Variants in RABGAP1 observed in about 807,000 individuals in gnomAD.
RABGAP1 encodes RAB GTPase activating protein 1.
A neutral mutation model predicts 137.6 loss-of-function variants in RABGAP1; 23 were observed. That is an observed-to-expected ratio of 0.17 (90% CI 0.12 to 0.24). RABGAP1 has a LOEUF of 0.24. Ranked by LOEUF, RABGAP1 falls within the 10% of genes least tolerant of loss-of-function variation. The pLI is 1.00. For missense variants in RABGAP1, 906 were observed against 1,275.8 expected, an observed-to-expected ratio of 0.71 and a Z score of 4.42; for synonymous variants, 451 against 450.7, an observed-to-expected ratio of 1.00 and a Z score of -0.01.
intron 13 of RABGAP1, among the ~76,000 whole-genome samples, chr9:123,064,386 T>C (rs191217301): frequency 7.8e-4 from 119 of 152,330 alleles, no homozygotes; most frequent in Middle Eastern, 3.4e-3. Context: ...TTAAAGTTAG[T>C]TCAGATCCCA....
At chr9:122,980,526 G>A (rs898399423) in intron 2 of RABGAP1, among the ~76,000 whole-genome samples, 3 of 152,176 alleles carry the variant, frequency 2.0e-5, no homozygotes, top group Non-Finnish European at 4.4e-5. Flanking sequence ...AGTCATGCTT[G>A]TTTCTTTTAT....
rs1392975722 is a variant in RABGAP1 at position 122,986,251 on chromosome 9, A to T, written c.422A>T (p.Asp141Val). The T allele has an allele frequency of 6.2e-7, 1 of 1,614,202 alleles. No homozygotes were observed. Among genetic ancestry groups the T allele is most frequent in the African/African-American group, 1.3e-5 (1 of 75,062 alleles). ...TCAAGTCCTTTCACACCAGTGGCCGATGAGGACAGCGTAGTTTTCAGTAAA... is the reference window on the plus strand; with the variant it reads ...TCAAGTCCTTTCACACCAGTGGCCGTTGAGGACAGCGTAGTTTTCAGTAAA... ...EASSPFTPVA[D>V]EDSVVFSKLT... The change falls in exon 4 of 26, where the codon GAT becomes GTT. Residue 141 changes from aspartate to valine, a missense_variant. Coordinates refer to ENST00000373647, the MANE Select transcript of RABGAP1 (RefSeq NM_012197.4).
chr9:122,998,583 CTTT>C lies in RABGAP1; in HGVS notation c.1205-13_1205-11del, dbSNP rs760528729. Reference sequence around the variant, plus strand: ...TCTGATTTACCTCTTCAGCCTCTCTCTTTCTTTGTTTAGATAAAGTCCTGTTTA... The same window carrying C: ...TCTGATTTACCTCTTCAGCCTCTCTCCTTTGTTTAGATAAAGTCCTGTTTA... On this transcript the variant is annotated splice_polypyrimidine_tract_variant and intron_variant, in intron 9 of 25. Coordinates refer to ENST00000373647, the MANE Select transcript of RABGAP1 (RefSeq NM_012197.4). 1.5e-5 allele frequency: 23 copies of C among 1,521,186 alleles called. No individual in the cohort carries two copies. The highest frequency in any genetic ancestry group is 5.7e-5 in the Admixed American group (3 of 52,458). The allele number at this position is 1,521,186 out of a possible 1,614,324, so 94.2% of individuals were successfully genotyped here. A position where few individuals can be genotyped will look rare whatever the true frequency, so the allele number is the denominator to read the frequency against.
At chr9:122,999,785 T>C (rs1457114149) in intron 10 of RABGAP1, among the ~76,000 whole-genome samples, 1 of 151,770 alleles carries the variant, frequency 6.6e-6, no homozygotes, top group African/African-American at 2.4e-5. Context: ...CCTGCCCATC[T>C]CTCTTCTCTT....
intron 11 of RABGAP1, 22 bp from the exon 12 acceptor site, chr9:123,015,521 T>C: frequency 2.0e-6 from 3 of 1,506,472 alleles, no homozygotes; most frequent in Non-Finnish European, 2.8e-6. Context: ...GTTACCGTTT[T>C]TGTGTGTTTT....
At chr9:122,962,097 A>G (rs996369421) in intron 2 of RABGAP1, among the ~76,000 whole-genome samples, 4 of 152,220 alleles carry the variant, frequency 2.6e-5, no homozygotes, top group African/African-American at 9.6e-5. Flanking sequence ...GTGTATAGCA[A>G]TACCACAAAA....
At chr9:122,967,497 T>C (rs1270716232) in intron 2 of RABGAP1, among the ~76,000 whole-genome samples, 1 of 152,204 alleles carries the variant, frequency 6.6e-6, no homozygotes, top group East Asian at 1.9e-4. Context: ...CTCCTGTGCG[T>C]AAGTAGAACA....
rs5900552 is a variant in RABGAP1, at chr9:123,035,639, CGT to C, written c.1794+15223_1794+15224del. ...TGAAGTGGCTCAGTTACGGGGTTCC[CGT>C]GTGTGTGTGTGTGTGTGTGTGTGTG... On this transcript the variant is annotated intron_variant, in intron 13 of 25. Coordinates refer to ENST00000373647, the MANE Select transcript of RABGAP1 (RefSeq NM_012197.4). 1.8e-3 allele frequency: 1,304 copies of C among 733,234 alleles called. 3 individuals carry two copies. The highest frequency in any genetic ancestry group is 0.011 in the African/African-American group (627 of 56,928). 45.4% of individuals were successfully genotyped at this position (733,234 alleles called of 1,614,324 possible). A position where few individuals can be genotyped will look rare whatever the true frequency, so the allele number is the denominator to read the frequency against.
At position 122,954,587 on chromosome 9, in the gene RABGAP1, C is replaced by T. The variant is rs560527760; in HGVS notation, c.-49-2424C>T. Among the ~76,000 whole-genome samples, 3 of 152,246 alleles carry T rather than the reference C, an allele frequency of 2.0e-5. No homozygotes were observed. In the East Asian group the frequency reaches 5.8e-4, roughly 29 times the overall value. The stretch of plus-strand genomic sequence containing the variant: ...AAGTTGTTAGTGTCTGAGACCAGAG[C>T]TTTAGACCACTTTCCCAGGCCCTCT... On this transcript the variant is annotated intron_variant, in intron 1 of 25. Coordinates refer to ENST00000373647, the MANE Select transcript of RABGAP1 (RefSeq NM_012197.4).
At position 123,103,861 on chromosome 9, in the gene RABGAP1, C is replaced by G. The variant is rs549551846; in HGVS notation, c.*648C>G. 1 of 151,598 alleles carries G rather than the reference C, an allele frequency of 6.6e-6. No homozygotes were observed. The highest frequency in any genetic ancestry group is 1.5e-5 in the Non-Finnish European group (1 of 67,878). The allele number at this position is 151,598 out of a possible 1,614,324, so 9.4% of individuals were successfully genotyped here. A position where few individuals can be genotyped will look rare whatever the true frequency, so the allele number is the denominator to read the frequency against. On this transcript the variant is annotated 3_prime_UTR_variant, in exon 26 of 26. Transcript: ENST00000373647. ...TATGCAACTCTCATAGTTCCTGTTA[C>G]TTTTTAGCATTAGCTGCCAAATGAC...
intron 13 of RABGAP1, among the ~76,000 whole-genome samples, chr9:123,057,360 C>T (rs1214598387): frequency 3.3e-5 from 5 of 151,338 alleles, no homozygotes; most frequent in Middle Eastern, 6.9e-3. Context: ...AGAGACGCTC[C>T]TCACCTCCCA....
rs531292384 is a variant in RABGAP1 at position 122,953,697 on chromosome 9, C to A, written c.-49-3314C>A. On this transcript the variant is annotated intron_variant, in intron 1 of 25. Coordinates refer to ENST00000373647, the MANE Select transcript of RABGAP1 (RefSeq NM_012197.4). ...TATAGGCGTGAGCCACTGCGCCCGC[C>A]CGGAACCAGTATTTTAACTTAGGTA... Among the ~76,000 whole-genome samples, 4 of 152,326 alleles carry A rather than the reference C, an allele frequency of 2.6e-5. No homozygotes were observed. The South Asian group carries it at 8.3e-4, about 32-fold the overall frequency.
intron 11 of RABGAP1, among the ~76,000 whole-genome samples, chr9:123,013,012 A>G (rs1417779662): frequency 6.6e-6 from 1 of 152,226 alleles, no homozygotes; most frequent in African/African-American, 2.4e-5. Flanking sequence ...GTTTAGAAGC[A>G]TCATTCTGAA....
chr9:123,048,238 C>T (rs1315449506), intron 13 of RABGAP1, among the ~76,000 whole-genome samples: 2 of 152,156 alleles, frequency 1.3e-5, no homozygotes, highest in Admixed American at 6.6e-5. Flanking sequence ...CATGCCCAAT[C>T]AACTGCTGTA....
At chr9:123,023,741 A>T (rs2031790197) in intron 13 of RABGAP1, among the ~76,000 whole-genome samples, 1 of 152,240 alleles carries the variant, frequency 6.6e-6, no homozygotes, top group Non-Finnish European at 1.5e-5. Flanking sequence ...CAGGATTTGT[A>T]CATATTATAC....
rs888265467 is a variant in RABGAP1, at chr9:123,096,709, C to T, written c.2629-1032C>T. ...CTAGCCTCCCAGGTAGCTGGGATTA[C>T]AGGCGCCTGCCACCACGCCCGGCTA... On this transcript the variant is annotated intron_variant, in intron 21 of 25. Coordinates refer to ENST00000373647, the MANE Select transcript of RABGAP1 (RefSeq NM_012197.4). Among the ~76,000 whole-genome samples, 8 of 152,314 alleles carry T rather than the reference C, an allele frequency of 5.3e-5. No individual in the cohort carries two copies. In the South Asian group the frequency reaches 6.2e-4, roughly 12 times the overall value.
intron 2 of RABGAP1, among the ~76,000 whole-genome samples, chr9:122,963,709 C>A (rs1177472255): frequency 1.3e-5 from 2 of 151,764 alleles, no homozygotes; most frequent in African/African-American, 2.4e-5. Flanking sequence ...ACCTTAAGAC[C>A]CTGGTAGAAA....
chr9:123,073,452 A>G (rs1477066643), intron 15 of RABGAP1, 100 bp from the exon 16 acceptor site: 3 of 1,439,864 alleles, frequency 2.1e-6, no homozygotes, highest in East Asian at 2.3e-5. Flanking sequence ...TGGTAAGGCA[A>G]TAATATAAAG....
At chr9:123,011,192 A>G (rs1303747784) in intron 11 of RABGAP1, among the ~76,000 whole-genome samples, 1 of 152,188 alleles carries the variant, frequency 6.6e-6, no homozygotes, top group African/African-American at 2.4e-5. Context: ...ACAATATAAG[A>G]TCATGTGAGC....
Sources: gnomAD v4.1 joint callset for allele counts (sites outside exome capture counted in the v4.1 genomes callset) on GRCh38, gnomAD v4.1.1 for gene constraint, MANE v1.5 for transcripts, NCBI Gene and HGNC (gene_info 2026-07-23, HGNC 2026-07-21) for gene names.